The following SUPT3H variants were observed in gnomAD, a reference collection of about 807,000 sequenced individuals.
SUPT3H encodes the protein transcription initiation protein SPT3 homolog.
Under a neutral mutation model 44.3 loss-of-function variants are expected in SUPT3H, and 44 were observed. The ratio of observed to expected loss-of-function variants is 0.99; its 90% CI spans 0.78 to 1.28. The LOEUF (loss-of-function observed/expected upper bound fraction) is 1.28, where lower values mean the gene tolerates loss of function less well. Among genes scored for constraint, SUPT3H ranks in the 50% most tolerant of loss-of-function variants. The pLI is 0.00. For synonymous variants in SUPT3H, 124 were observed against 125.6 expected (o/e 0.99, Z 0.09); for missense variants, 380 against 387.1 (o/e 0.98, Z 0.15).
At chr6:45,366,942 A>G (rs1005898125) in intron 1 of SUPT3H, among the ~76,000 whole-genome samples, 2 of 152,146 alleles carry the variant, frequency 1.3e-5, no homozygotes, top group Non-Finnish European at 2.9e-5. Context: ...TCTTCTTAAT[A>G]TATCTTTCTA....
At chr6:45,328,781 TG>T in intron 2 of SUPT3H, 1 of 1,612,028 alleles carries the variant, frequency 6.2e-7, no homozygotes, top group Non-Finnish European at 8.5e-7. Context: ...AAACTTCTTT[TG>T]GGGTAAGTGT....
At chr6:45,164,053 A>G (rs1434798332) in intron 2 of SUPT3H, among the ~76,000 whole-genome samples, 1 of 152,162 alleles carries the variant, frequency 6.6e-6, no homozygotes, top group Non-Finnish European at 1.5e-5. Flanking sequence ...TGAGTAGCTG[A>G]TACACATATT....
At chr6:44,992,990 C>A (rs1780793860) in intron 6 of SUPT3H, among the ~76,000 whole-genome samples, 1 of 151,860 alleles carries the variant, frequency 6.6e-6, no homozygotes, top group Admixed American at 6.6e-5. Context: ...ATAGTAAGAC[C>A]CTGTCTCTAC....
chr6:45,003,613 G>T, intron 6 of SUPT3H, 40 bp downstream of exon 6: 1 of 1,602,332 alleles, frequency 6.2e-7, no homozygotes, highest in South Asian at 1.1e-5. Context: ...GCACTGCAAT[G>T]ATTGTTCTAT....
intron 10 of SUPT3H, among the ~76,000 whole-genome samples, chr6:44,904,862 G>T (rs1765722126): frequency 6.6e-6 from 1 of 152,090 alleles, no homozygotes; most frequent in Admixed American, 6.5e-5. Context: ...CAGAAATAAT[G>T]CCACATATCT....
intron 5 of SUPT3H, among the ~76,000 whole-genome samples, chr6:45,005,335 T>G (rs1207722037): frequency 2.0e-5 from 3 of 152,240 alleles, no homozygotes; most frequent in Non-Finnish European, 4.4e-5. Flanking sequence ...GTTGCCTTTT[T>G]CTTAACAATT....
intron 2 of SUPT3H, among the ~76,000 whole-genome samples, chr6:45,130,274 T>C (rs1404691177): frequency 6.6e-6 from 1 of 152,216 alleles, no homozygotes; most frequent in Non-Finnish European, 1.5e-5. Context: ...AATTATACAA[T>C]ATGTGGCCTT....
At chr6:45,094,273 C>T (rs769066613) in intron 3 of SUPT3H, among the ~76,000 whole-genome samples, 1 of 151,734 alleles carries the variant, frequency 6.6e-6, no homozygotes, top group Non-Finnish European at 1.5e-5. Context: ...TCTAGCAGAC[C>T]AGCAGAGAAA....
intron 2 of SUPT3H, among the ~76,000 whole-genome samples, chr6:45,175,101 A>T (rs1387237151): frequency 6.6e-6 from 1 of 151,502 alleles, no homozygotes; most frequent in Admixed American, 6.6e-5. Flanking sequence ...ATTGTTATTT[A>T]CTTACATAGA....
At chr6:45,178,662 GA>G (rs1437789252) in intron 2 of SUPT3H, among the ~76,000 whole-genome samples, 1 of 151,984 alleles carries the variant, frequency 6.6e-6, no homozygotes, top group African/African-American at 2.4e-5. Flanking sequence ...CACATAGTTG[GA>G]AGTAAAGCTC....
At chr6:44,809,284 G>A (rs1231255820), downstream of SUPT3H, 1 of 152,220 alleles carries the variant, frequency 6.6e-6, no homozygotes, top group East Asian at 1.9e-4. Context: ...ATTCCACCAA[G>A]GGACTTTCCT....
At chr6:45,302,188 T>C (rs999531223) in intron 2 of SUPT3H, among the ~76,000 whole-genome samples, 2 of 152,040 alleles carry the variant, frequency 1.3e-5, no homozygotes, top group African/African-American at 4.8e-5. Flanking sequence ...ATTTGTGAGA[T>C]TATGATGCTC....
intron 3 of SUPT3H, among the ~76,000 whole-genome samples, chr6:45,043,347 G>C (rs904284415): frequency 2.0e-5 from 3 of 152,068 alleles, no homozygotes; most frequent in Non-Finnish European, 4.4e-5. Flanking sequence ...TAGTGTCAGG[G>C]ATATATGTAC....
intron 2 of SUPT3H, among the ~76,000 whole-genome samples, chr6:45,130,288 A>G (rs911360921): frequency 6.6e-6 from 1 of 152,126 alleles, no homozygotes; most frequent in South Asian, 2.1e-4. Context: ...TGGCCTTTGT[A>G]TCTTTTCTCT....
intron 2 of SUPT3H, among the ~76,000 whole-genome samples, chr6:45,364,465 G>T (rs1225817888): frequency 1.3e-5 from 2 of 152,084 alleles, no homozygotes; most frequent in African/African-American, 4.8e-5. Context: ...GTATCCACAG[G>T]AAAAGAAGAG....
intron 10 of SUPT3H, among the ~76,000 whole-genome samples, chr6:44,883,184 A>G (rs1778535704): frequency 6.6e-6 from 1 of 152,228 alleles, no homozygotes; most frequent in African/African-American, 2.4e-5. Flanking sequence ...CAACTTCAGC[A>G]AAGTCTCAGG....
intron 3 of SUPT3H, among the ~76,000 whole-genome samples, chr6:45,059,592 T>A (rs1791659322): frequency 6.6e-6 from 1 of 152,072 alleles, no homozygotes; most frequent in East Asian, 1.9e-4. Context: ...GTCAGGGCAA[T>A]CAGGCAAGAG....
intron 1 of SUPT3H, among the ~76,000 whole-genome samples, chr6:45,370,535 G>A (rs1400321404): frequency 6.6e-6 from 1 of 152,066 alleles, no homozygotes; most frequent in African/African-American, 2.4e-5. Flanking sequence ...CAAGATTTTT[G>A]TTAAGGATAA....
At chr6:44,938,429 CTA>C (rs1293455663) in intron 9 of SUPT3H, among the ~76,000 whole-genome samples, 1 of 152,056 alleles carries the variant, frequency 6.6e-6, no homozygotes, top group African/African-American at 2.4e-5. Flanking sequence ...TTCCATTGAC[CTA>C]TGTGTCTATT....
Sources: allele counts gnomAD v4.1 joint callset (sites outside exome capture counted in the v4.1 genomes callset), GRCh38; gene constraint gnomAD v4.1.1; transcripts MANE v1.5; gene names NCBI Gene and HGNC (gene_info 2026-07-23, HGNC 2026-07-21).